SEMA5B: variants seen among roughly 807,000 people sequenced by gnomAD.
SEMA5B encodes semaphorin-5B.
SEMA5B carries 66 observed loss-of-function variants against 135.0 expected under a neutral mutation model. That is an observed-to-expected ratio of 0.49 (90% CI 0.40 to 0.60). The LOEUF is 0.60. SEMA5B is among the 20% of genes least tolerant of loss of function. The pLI is 0.00. For synonymous variants in SEMA5B, 690 were observed against 639.5 expected (o/e 1.08, Z -1.19); for missense variants, 1,501 against 1,566.3 (o/e 0.96, Z 0.70).
intron 8 of SEMA5B, 67 bp from the exon 9 acceptor site, chr3:122,926,744 G>A: frequency 1.9e-6 from 3 of 1,558,278 alleles, no homozygotes; most frequent in Non-Finnish European, 2.6e-6. Context: ...AGAGTCGGGA[G>A]GACTCAACTA....
intron 1 of SEMA5B, among the ~76,000 whole-genome samples, chr3:122,987,427 G>A (rs1035422336): frequency 6.6e-6 from 1 of 152,216 alleles, no homozygotes; most frequent in African/African-American, 2.4e-5. Context: ...GCACCCCACT[G>A]AGTAGGATTT....
intron 1 of SEMA5B, among the ~76,000 whole-genome samples, chr3:123,012,159 A>T (rs1942450557): frequency 6.6e-6 from 1 of 152,164 alleles, no homozygotes; most frequent in African/African-American, 2.4e-5. Flanking sequence ...CTCGTGTGTA[A>T]ACCGGGGCTC....
intron 1 of SEMA5B, among the ~76,000 whole-genome samples, chr3:123,020,861 G>A (rs1277237137): frequency 6.6e-6 from 1 of 152,210 alleles, no homozygotes; most frequent in Non-Finnish European, 1.5e-5. Context: ...GTAGACTTGA[G>A]GCTGTTCACC....
In SEMA5B at chr3:122,922,082, G is replaced by A; in HGVS notation, c.1521C>T (p.Arg507=). 6.7e-7 allele frequency: 1 copy of A among 1,492,248 alleles called. No individual in the cohort carries two copies. Among genetic ancestry groups the A allele is most frequent in the Non-Finnish European group, 8.9e-7 (1 of 1,118,604 alleles). The allele number at this position is 1,492,248 out of a possible 1,614,324, so 92.4% of individuals were successfully genotyped here. Residue 507 remains arginine (R), a synonymous_variant, in exon 12 of 23, where the codon CGC becomes CGT. Coordinates refer to ENST00000357599, the MANE Select transcript of SEMA5B (RefSeq NM_001031702.4). ...TILKALSTAS[R]SLHGCYLEEL... is the part of the protein sequence containing the mutation. ...CCTCCAGGTAGCAGCCGTGGAGGCT[G>A]CGGCTCGCCGTGGACAGCGCCTTCA...
chr3:122,918,059 C>A (rs1318927726), intron 12 of SEMA5B, among the ~76,000 whole-genome samples: 1 of 152,162 alleles, frequency 6.6e-6, no homozygotes, highest in East Asian at 1.9e-4. Context: ...GGGCATCAAC[C>A]TCTTACAGGC....
At chr3:122,944,631 G>T (rs958778025) in intron 3 of SEMA5B, among the ~76,000 whole-genome samples, 45 of 152,356 alleles carry the variant, frequency 3.0e-4, no homozygotes, top group African/African-American at 1.0e-3. Context: ...CTCCAAGGAA[G>T]GTTGTTCCCA....
At position 122,983,673 on chromosome 3, in the gene SEMA5B, A is replaced by G. The variant is rs540489779; in HGVS notation, c.-38-22372T>C. Among the ~76,000 whole-genome samples the G allele has an allele frequency of 1.1e-3, 147 of 139,052 alleles. 1 individual carries two copies. The highest frequency in any genetic ancestry group is 3.2e-3 in the African/African-American group (120 of 37,572). The allele number at this position is 139,052 out of a possible 152,430, so 91.2% of individuals were successfully genotyped here. A position where few individuals can be genotyped will look rare whatever the true frequency, so the allele number is the denominator to read the frequency against. On this transcript the variant is annotated intron_variant, in intron 1 of 22. Transcript: ENST00000357599. ...GCGGAGCTTGCAGTGAACCAAGATC[A>G]CGCCACTGCACTCCAGCCTGGGCGA...
chr3:123,024,743 G>A (rs1942761729), intron 1 of SEMA5B, among the ~76,000 whole-genome samples: 1 of 152,214 alleles, frequency 6.6e-6, no homozygotes, highest in African/African-American at 2.4e-5. Context: ...AAGATAACAT[G>A]TATATCCAAG....
chr3:122,992,338 G>C (rs1304936753), intron 1 of SEMA5B, among the ~76,000 whole-genome samples: 1 of 152,212 alleles, frequency 6.6e-6, no homozygotes, highest in Non-Finnish European at 1.5e-5. Context: ...GACAGCGTGG[G>C]AGGAGGGATA....
At chr3:122,963,280 T>C in intron 1 of SEMA5B, among the ~76,000 whole-genome samples, 1 of 152,116 alleles carries the variant, frequency 6.6e-6, no homozygotes, top group South Asian at 2.1e-4. Context: ...GCAGATCACT[T>C]GAGATCAGGA....
chr3:122,994,834 A>G (rs1174930982), intron 1 of SEMA5B, among the ~76,000 whole-genome samples: 1 of 152,174 alleles, frequency 6.6e-6, no homozygotes, highest in Non-Finnish European at 1.5e-5. Context: ...ATCAAATTGG[A>G]TGAAATGGGT....
chr3:122,994,299 C>A (rs1941970318), intron 1 of SEMA5B, among the ~76,000 whole-genome samples: 1 of 152,206 alleles, frequency 6.6e-6, no homozygotes, highest in South Asian at 2.1e-4. Flanking sequence ...GTAAGATTAG[C>A]CACCTGTAGG....
At chr3:122,997,161 C>T (rs886372102) in intron 1 of SEMA5B, among the ~76,000 whole-genome samples, 2 of 152,210 alleles carry the variant, frequency 1.3e-5, no homozygotes, top group Non-Finnish European at 2.9e-5. Context: ...GTGCAGTGGG[C>T]ACTGCCATCT....
At position 123,004,329 on chromosome 3, in the gene SEMA5B, T is replaced by C. The variant is rs559659208; in HGVS notation, c.-39+23135A>G. 3.9e-5 allele frequency among the ~76,000 whole-genome samples: 6 copies of C among 152,262 alleles called. No individual in the cohort carries two copies. In the South Asian group the frequency reaches 1.2e-3, roughly 32 times the overall value. On this transcript the variant is annotated intron_variant, in intron 1 of 22. Coordinates refer to ENST00000357599, the MANE Select transcript of SEMA5B (RefSeq NM_001031702.4). ...GACATCCGTCAGCAAGAGGCACAGCTGGAAAAAGGAAAGAGCAGGCACAAA... is the reference window on the plus strand; with the variant it reads ...GACATCCGTCAGCAAGAGGCACAGCCGGAAAAAGGAAAGAGCAGGCACAAA...
At chr3:122,934,872 C>CA (rs71701473) in intron 5 of SEMA5B, among the ~76,000 whole-genome samples, 54,644 of 132,206 alleles carry the variant, frequency 0.41, 11,851 homozygotes, top group Non-Finnish European at 0.5. Context: ...AGACCCACCT[C>CA]AAAAAAAAAA....
intron 1 of SEMA5B, among the ~76,000 whole-genome samples, chr3:123,014,735 GT>G (rs1268075664): frequency 6.6e-6 from 1 of 152,200 alleles, no homozygotes; most frequent in Non-Finnish European, 1.5e-5. Flanking sequence ...AGCTGGAAAG[GT>G]TTTTTCAAGA....
intron 3 of SEMA5B, among the ~76,000 whole-genome samples, 167 bp from the exon 4 acceptor site, chr3:122,943,702 A>G (rs142411777): frequency 6.6e-5 from 10 of 152,104 alleles, no homozygotes; most frequent in Non-Finnish European, 1.2e-4. Context: ...GGGACTTGGG[A>G]GTGGGTGTTG....
At chr3:122,923,569 G>A (rs1938479575) in intron 10 of SEMA5B, 48 bp downstream of exon 10, 4 of 1,608,394 alleles carry the variant, frequency 2.5e-6, no homozygotes, top group South Asian at 1.1e-5. Flanking sequence ...TGGTAATCTG[G>A]GGGTAAGGCA....
intron 1 of SEMA5B, among the ~76,000 whole-genome samples, chr3:122,974,103 C>T (rs992913847): frequency 2.0e-5 from 3 of 152,226 alleles, no homozygotes; most frequent in African/African-American, 2.4e-5. Context: ...CACACCACCC[C>T]CCATCTGCTC....
Sources: allele counts gnomAD v4.1 joint callset (sites outside exome capture counted in the v4.1 genomes callset), GRCh38; gene constraint gnomAD v4.1.1; transcripts MANE v1.5; gene names NCBI Gene and HGNC (gene_info 2026-07-23, HGNC 2026-07-21).